Variants in ITPR1 observed in about 807,000 individuals in gnomAD.
The protein encoded by ITPR1 is inositol 1,4,5-trisphosphate receptor type 1.
Under a neutral mutation model 318.4 loss-of-function variants are expected in ITPR1, and 96 were observed. The ratio of observed to expected loss-of-function variants is 0.30; its 90% CI spans 0.26 to 0.36. ITPR1 has a LOEUF of 0.36. ITPR1 is among the 10% of genes least tolerant of loss of function. The pLI is 1.00. For synonymous variants in ITPR1, 1,312 were observed against 1,289.9 expected, an observed-to-expected ratio of 1.02 and a Z score of -0.37; for missense variants, 2,440 against 3,460.2, an observed-to-expected ratio of 0.71 and a Z score of 7.40.
At chr3:4,585,634 AG>A (rs1201288894) in intron 4 of ITPR1, among the ~76,000 whole-genome samples, 2 of 151,956 alleles carry the variant, frequency 1.3e-5, no homozygotes, top group Non-Finnish European at 2.9e-5. Flanking sequence ...ACGGCATTTC[AG>A]CATGTTGGCC....
chr3:4,706,386 C>T (rs1193601102), intron 37 of ITPR1, 35 bp downstream of exon 37: 7 of 1,558,824 alleles, frequency 4.5e-6, no homozygotes, highest in Non-Finnish European at 6.1e-6. Context: ...GATGCTTAGC[C>T]TGGCCTCACG....
At chr3:4,502,154 G>T (rs2081070110) in intron 2 of ITPR1, among the ~76,000 whole-genome samples, 1 of 152,102 alleles carries the variant, frequency 6.6e-6, no homozygotes, top group Non-Finnish European at 1.5e-5. Context: ...TGTGTATGTT[G>T]TACCTCATGT....
chr3:4,730,371 ATG>A (rs369249391), intron 42 of ITPR1, among the ~76,000 whole-genome samples: 1,663 of 57,320 alleles, frequency 0.029, 33 homozygotes, highest in African/African-American at 0.082. Flanking sequence ...GTTGGGTGGA[ATG>A]TGTGTGTGTG....
chr3:4,721,144 G>A (rs1338040129), intron 40 of ITPR1, among the ~76,000 whole-genome samples: 5 of 134,154 alleles, frequency 3.7e-5, no homozygotes, highest in African/African-American at 1.4e-4. Flanking sequence ...ATTTATATAT[G>A]TCTGTGTGTA....
chr3:4,647,623 A>G (rs886438801), intron 10 of ITPR1, among the ~76,000 whole-genome samples: 1 of 152,176 alleles, frequency 6.6e-6, no homozygotes, highest in African/African-American at 2.4e-5. Context: ...CAGTCTTTTC[A>G]ATGTTACTCG....
intron 55 of ITPR1, 104 bp from the exon 56 acceptor site, chr3:4,811,161 G>A: frequency 1.5e-6 from 1 of 663,372 alleles, no homozygotes; most frequent in Non-Finnish European, 2.4e-6. Context: ...GTGCTTTTGA[G>A]TGTCTAAGAG....
At chr3:4,499,719 T>G (rs1349005207) in intron 2 of ITPR1, among the ~76,000 whole-genome samples, 1 of 152,212 alleles carries the variant, frequency 6.6e-6, no homozygotes, top group Non-Finnish European at 1.5e-5. Flanking sequence ...ACTGCATCAG[T>G]GCAATGTGGT....
chr3:4,662,046 A>G lies in ITPR1; in HGVS notation c.1252-36A>G, dbSNP rs561618354. ...GATTAAAGTCTTATCCTTCCCATCC[A>G]AGAGATTATCTCACAAGGACCACCT... On this transcript the variant is annotated intron_variant, in intron 14 of 61. Coordinates refer to ENST00000649015, the MANE Select transcript of ITPR1 (RefSeq NM_001378452.1). 23 of 1,589,308 alleles carry G rather than the reference A, an allele frequency of 1.4e-5. No individual in the cohort carries two copies. The East Asian group carries it at 4.9e-4, about 34-fold the overall frequency.
chr3:4,824,392 A>G (rs912915974), intron 60 of ITPR1, among the ~76,000 whole-genome samples: 1 of 152,230 alleles, frequency 6.6e-6, no homozygotes, highest in African/African-American at 2.4e-5. Context: ...CAACTTTTGC[A>G]GGGTCGCGGC....
At chr3:4,757,243 A>G (rs1438589604) in intron 44 of ITPR1, among the ~76,000 whole-genome samples, 2 of 151,976 alleles carry the variant, frequency 1.3e-5, no homozygotes, top group South Asian at 2.1e-4. Flanking sequence ...CTAAAAAAGG[A>G]CTCCAGACCC....
In ITPR1 at chr3:4,673,112, G is replaced by C. The variant is rs368049301; in HGVS notation, c.2205-24G>C. On this transcript the variant is annotated intron_variant, in intron 20 of 61. Coordinates refer to ENST00000649015, the MANE Select transcript of ITPR1 (RefSeq NM_001378452.1). ...CTGAATGATTTCTGGAGCGTGAGCT[G>C]TGTGCCCTTGTTCCTTCCTCTAGAT... 9 of 1,601,796 alleles carry C rather than the reference G, an allele frequency of 5.6e-6. No individual in the cohort carries two copies. The African/African-American group carries it at 1.2e-4, about 21-fold the overall frequency.
chr3:4,642,752 A>G (rs1243109508), intron 7 of ITPR1, among the ~76,000 whole-genome samples: 4 of 152,046 alleles, frequency 2.6e-5, no homozygotes, highest in African/African-American at 9.6e-5. Flanking sequence ...AGCAGGGCCC[A>G]CTCCTGAGGG....
intron 60 of ITPR1, among the ~76,000 whole-genome samples, chr3:4,822,523 A>G (rs2049795696): frequency 6.6e-6 from 1 of 152,190 alleles, no homozygotes; most frequent in African/African-American, 2.4e-5. Flanking sequence ...GGTCACAGAT[A>G]CTTGTGAGTT....
intron 20 of ITPR1, among the ~76,000 whole-genome samples, chr3:4,672,002 G>A (rs873576): frequency 0.011 from 1,654 of 152,168 alleles, 35 homozygotes; most frequent in Middle Eastern, 0.054. Flanking sequence ...ATATATCTGC[G>A]TTAATAGAGA....
At chr3:4,817,584 C>T (rs889150878) in intron 59 of ITPR1, 5 of 152,238 alleles carry the variant, frequency 3.3e-5, no homozygotes, top group African/African-American at 9.7e-5. Context: ...TTGCTCACCC[C>T]GGCCTCTTCA....
chr3:4,707,148 C>T lies in ITPR1; in HGVS notation c.4842+797C>T, dbSNP rs375119357. On this transcript the variant is annotated intron_variant, in intron 37 of 61. Coordinates refer to ENST00000649015, the MANE Select transcript of ITPR1 (RefSeq NM_001378452.1). ...GTCTGTAAAACAGTAGCACCTACCTCGTGGGGTTGATGTGAGGATTAAGAG... is the reference window on the plus strand; with the variant it reads ...GTCTGTAAAACAGTAGCACCTACCTTGTGGGGTTGATGTGAGGATTAAGAG... Among the ~76,000 whole-genome samples the T allele has an allele frequency of 9.2e-5, 14 of 152,302 alleles. No homozygotes were observed. The East Asian group carries it at 9.6e-4, about 10-fold the overall frequency.
chr3:4,647,379 A>G (rs1198142170), intron 10 of ITPR1, among the ~76,000 whole-genome samples: 2 of 152,200 alleles, frequency 1.3e-5, no homozygotes, highest in African/African-American at 4.8e-5. Context: ...AAGTTTCTGT[A>G]TGGATGTAAC....
chr3:4,691,684 T>C (rs1431593379), intron 32 of ITPR1, among the ~76,000 whole-genome samples: 1 of 152,244 alleles, frequency 6.6e-6, no homozygotes, highest in Non-Finnish European at 1.5e-5. Context: ...TTGTGGATTA[T>C]GAATTTTAAA....
At chr3:4,548,636 A>G (rs747373141) in intron 4 of ITPR1, among the ~76,000 whole-genome samples, 19 of 152,150 alleles carry the variant, frequency 1.2e-4, no homozygotes, top group Non-Finnish European at 2.4e-4. Flanking sequence ...CAGTTCGTTC[A>G]AGGTGACATG....
Sources: gnomAD v4.1 joint callset for allele counts (sites outside exome capture counted in the v4.1 genomes callset) on GRCh38, gnomAD v4.1.1 for gene constraint, MANE v1.5 for transcripts, NCBI Gene and HGNC (gene_info 2026-07-23, HGNC 2026-07-21) for gene names.